Variants in ZFHX3 observed in about 807,000 individuals in gnomAD.
The protein encoded by ZFHX3 is zinc finger homeobox protein 3.
ZFHX3 carries 42 observed loss-of-function variants against 279.1 expected under a neutral mutation model. The ratio of observed to expected loss-of-function variants is 0.15; its 90% CI spans 0.12 to 0.19. The LOEUF is 0.19. Among genes scored for constraint, ZFHX3 ranks in the 10% least tolerant of loss-of-function variants. The probability of loss-of-function intolerance (pLI) is 1.00; values close to 1 mark genes in which losing one functional copy is unlikely to be tolerated. For synonymous variants in ZFHX3, 2,293 were observed against 1,957.8 expected (o/e 1.17, Z -4.52); for missense variants, 4,981 against 4,754.0 (o/e 1.05, Z -1.40).
At chr16:73,371,110 T>C (rs1459626916) in intron 3 of ZFHX3, among the ~76,000 whole-genome samples, 1 of 151,882 alleles carries the variant, frequency 6.6e-6, no homozygotes, top group African/African-American at 2.4e-5. Context: ...TCACCTGAGG[T>C]CAGGAGTTCA....
At chr16:73,131,749 C>A (rs536754656) in intron 6 of ZFHX3, among the ~76,000 whole-genome samples, 3 of 152,330 alleles carry the variant, frequency 2.0e-5, no homozygotes, top group Admixed American at 6.5e-5. Context: ...GCCACTGGAT[C>A]CGAGTCCTAA....
chr16:73,683,063 GAAGA>G (rs547161158), intron 1 of ZFHX3, among the ~76,000 whole-genome samples: 10 of 152,138 alleles, frequency 6.6e-5, no homozygotes, highest in Non-Finnish European at 1.0e-4. Context: ...CATGATTTTT[GAAGA>G]TAGACTATAC....
rs1597295161 is a variant in ZFHX3, at chr16:72,838,861, A to G, written c.3449-9002T>C. Among the ~76,000 whole-genome samples the G allele has an allele frequency of 2.0e-5, 3 of 152,284 alleles. No individual in the cohort carries two copies. The Middle Eastern group carries it at 0.01, about 518-fold the overall frequency. The stretch of plus-strand genomic sequence containing the variant: ...CGGTGACAAAGCACAACGGAACGAA[A>G]TATGTCGCGGACTCGCCTGGTGGCT... On this transcript the variant is annotated intron_variant, in intron 4 of 9. Coordinates refer to ENST00000268489, the MANE Select transcript of ZFHX3 (RefSeq NM_006885.4).
intron 5 of ZFHX3, among the ~76,000 whole-genome samples, chr16:73,251,893 C>T (rs1279908531): frequency 7.0e-6 from 1 of 142,212 alleles, no homozygotes; most frequent in Non-Finnish European, 1.5e-5. Flanking sequence ...ACCACACACA[C>T]ACCATGCACA....
intron 2 of ZFHX3, among the ~76,000 whole-genome samples, chr16:73,603,660 G>C (rs980096991): frequency 6.6e-6 from 1 of 151,454 alleles, no homozygotes; most frequent in African/African-American, 2.4e-5. Flanking sequence ...ACACACAAAA[G>C]TCAGTTACAT....
intron 3 of ZFHX3, among the ~76,000 whole-genome samples, chr16:73,339,012 C>T (rs1567454669): frequency 1.3e-5 from 2 of 152,178 alleles, no homozygotes. Context: ...TTCCAGAAGC[C>T]TCCTCAGAAG....
At chr16:72,826,313 TA>T (rs2036925975) in intron 5 of ZFHX3, among the ~76,000 whole-genome samples, 1 of 152,138 alleles carries the variant, frequency 6.6e-6, no homozygotes, top group African/African-American at 2.4e-5. Flanking sequence ...ACAAAATCAG[TA>T]GCTGAGAAAA....
At chr16:73,644,408 C>G (rs2052599861) in intron 2 of ZFHX3, among the ~76,000 whole-genome samples, 2 of 152,000 alleles carry the variant, frequency 1.3e-5, no homozygotes, top group Admixed American at 1.3e-4. Context: ...GCCTGTAATC[C>G]CAGCACTTTG....
chr16:73,857,391 T>C (rs1961760925), intron 1 of ZFHX3, among the ~76,000 whole-genome samples: 1 of 152,204 alleles, frequency 6.6e-6, no homozygotes, highest in African/African-American at 2.4e-5. Flanking sequence ...AGTGATTGTT[T>C]ATAAAGACTC....
chr16:72,915,315 T>C (rs2039416130), intron 3 of ZFHX3, among the ~76,000 whole-genome samples: 1 of 152,162 alleles, frequency 6.6e-6, no homozygotes, highest in African/African-American at 2.4e-5. Flanking sequence ...ATCCCATCAG[T>C]GACTGGGCAG....
At chr16:73,769,418 T>C (rs2053991533) in intron 1 of ZFHX3, among the ~76,000 whole-genome samples, 1 of 152,190 alleles carries the variant, frequency 6.6e-6, no homozygotes. Flanking sequence ...CATAATAGTG[T>C]TGTGTTAGTT....
At chr16:72,918,227 G>A (rs1040873814) in intron 3 of ZFHX3, among the ~76,000 whole-genome samples, 1 of 152,094 alleles carries the variant, frequency 6.6e-6, no homozygotes, top group Non-Finnish European at 1.5e-5. Context: ...TCAAAAGCAG[G>A]GGGCAAGGAT....
At chr16:73,722,548 G>T (rs188906149) in intron 1 of ZFHX3, among the ~76,000 whole-genome samples, 1 of 152,116 alleles carries the variant, frequency 6.6e-6, no homozygotes, top group African/African-American at 2.4e-5. Flanking sequence ...AGTAGGCAGC[G>T]TACTCTATGA....
chr16:73,359,436 G>A (rs569090034), intron 3 of ZFHX3, among the ~76,000 whole-genome samples: 1 of 152,160 alleles, frequency 6.6e-6, no homozygotes, highest in African/African-American at 2.4e-5. Context: ...ATCGGCAAAG[G>A]CTCAGTCTCA....
At chr16:73,308,224 C>CATAT (rs56199536) in intron 4 of ZFHX3, among the ~76,000 whole-genome samples, 28 of 108,686 alleles carry the variant, frequency 2.6e-4, no homozygotes, top group South Asian at 1.0e-3. Context: ...CATATGCATG[C>CATAT]ATATATATAT....
intron 2 of ZFHX3, among the ~76,000 whole-genome samples, chr16:73,555,293 T>C (rs1198248899): frequency 2.0e-5 from 3 of 151,930 alleles, no homozygotes; most frequent in Non-Finnish European, 4.4e-5. Flanking sequence ...TAGCTGGGAC[T>C]ACAGGCACCC....
chr16:73,089,836 T>A (rs1001179449), intron 8 of ZFHX3, among the ~76,000 whole-genome samples: 9 of 152,192 alleles, frequency 5.9e-5, no homozygotes, highest in African/African-American at 2.2e-4. Context: ...GCTGGGGAAT[T>A]ATCTGTAGGA....
At chr16:73,773,524 C>T (rs912440592) in intron 1 of ZFHX3, among the ~76,000 whole-genome samples, 1 of 152,216 alleles carries the variant, frequency 6.6e-6, no homozygotes, top group Non-Finnish European at 1.5e-5. Flanking sequence ...CTGAGGCTTC[C>T]ATTCCAGTGG....
At chr16:73,546,824 G>A (rs1243508045) in intron 2 of ZFHX3, among the ~76,000 whole-genome samples, 1 of 151,546 alleles carries the variant, frequency 6.6e-6, no homozygotes, top group African/African-American at 2.4e-5. Context: ...CAGTTGGGGG[G>A]TGAGGGGGGA....
Sources: gnomAD v4.1 joint callset for allele counts (sites outside exome capture counted in the v4.1 genomes callset) on GRCh38, gnomAD v4.1.1 for gene constraint, MANE v1.5 for transcripts, NCBI Gene and HGNC (gene_info 2026-07-23, HGNC 2026-07-21) for gene names.